The following COL7A1 variants were observed in gnomAD, a reference collection of about 807,000 sequenced individuals.
COL7A1 encodes collagen alpha-1(VII) chain.
A neutral mutation model predicts 456.2 loss-of-function variants in COL7A1; 296 were observed. The ratio of observed to expected loss-of-function variants is 0.65; its 90% CI spans 0.59 to 0.71. The LOEUF (loss-of-function observed/expected upper bound fraction) is 0.71. Ranked by LOEUF, COL7A1 falls within the 30% of genes least tolerant of loss-of-function variation. The probability of loss-of-function intolerance (pLI) is 0.00; values close to 1 mark genes in which losing one functional copy is unlikely to be tolerated. For synonymous variants in COL7A1, 1,464 were observed against 1,525.9 expected (o/e 0.96, Z 0.95); for missense variants, 3,441 against 4,017.2 (o/e 0.86, Z 3.88).
rs2045099383 is a variant in COL7A1 at position 48,584,727 on chromosome 3, C to T, written c.4047+7G>A. ...ATCCCGGCCGCCTCCCTTCCCCCTTCACCTACCGGCTCCCCCTTTGGGCCT... is the reference window on the plus strand; with the variant it reads ...ATCCCGGCCGCCTCCCTTCCCCCTTTACCTACCGGCTCCCCCTTTGGGCCT... On this transcript the variant is annotated splice_region_variant and intron_variant, in intron 35 of 118. Transcript: ENST00000681320. The T allele has an allele frequency of 6.2e-7, 1 of 1,614,022 alleles. No individual in the cohort carries two copies.
In COL7A1 at chr3:48,570,424, C is replaced by T. The variant is rs2107646232; in HGVS notation, c.7380+41G>A. The stretch of plus-strand genomic sequence containing the variant: ...GGTCAGTGGAGGCTGAAGGGGGTGA[C>T]CAGGGCACAAGAGAGAGTCAGCAGC... On this transcript the variant is annotated intron_variant, in intron 97 of 118. Transcript: ENST00000681320. This position sits in a 1 kb window ranked among gnomAD's most constrained non-coding sequence, Gnocchi z 5.5. 1 of 1,613,918 alleles carries T rather than the reference C, an allele frequency of 6.2e-7. No homozygotes were observed.
rs2107796556 is a variant in COL7A1, at chr3:48,592,863, G to A, written c.758C>T (p.Thr253Ile). The A allele has an allele frequency of 1.2e-6, 2 of 1,614,064 alleles. No individual in the cohort carries two copies. Among genetic ancestry groups the A allele is most frequent in the East Asian group, 4.5e-5 (2 of 44,892 alleles). ...GCCAGTCACAGGGCCACTGGCCGCT[G>A]TCCACTGTACTCTCAAGGATTGGCT... Reference protein sequence around the residue: ...PSSQSLRVQWTAASGPVTGYK... With the variant: ...PSSQSLRVQWIAASGPVTGYK... The change falls in exon 7 of 119, where the codon ACA becomes ATA. Residue 253 changes from threonine (T) to isoleucine (I), a missense_variant. By Grantham distance (89) the Thr-to-Ile change is moderately conservative (BLOSUM62 -1). Transcript: ENST00000681320. The surrounding 1 kb of genome is among the most constrained non-coding windows in gnomAD (Gnocchi z 7.6).
Position 48,590,929 on chromosome 3 carries a change from G to T in COL7A1, c.1637-113C>A. 8.8e-7 allele frequency: 1 copy of T among 1,132,082 alleles called. No individual in the cohort carries two copies. Among genetic ancestry groups the T allele is most frequent in the Non-Finnish European group, 1.3e-6 (1 of 774,340 alleles). 70.1% of individuals were successfully genotyped at this position (1,132,082 alleles called of 1,614,324 possible). A position where few individuals can be genotyped will look rare whatever the true frequency, so the allele number is the denominator to read the frequency against. On this transcript the variant is annotated intron_variant, in intron 13 of 118. Coordinates refer to ENST00000681320, the MANE Select transcript of COL7A1 (RefSeq NM_000094.4). The surrounding 1 kb of genome is among the most constrained non-coding windows in gnomAD (Gnocchi z 4.6). Reference sequence around the variant, plus strand: ...AGAAGGGCCATGGGGGTGGGGATGTGGGGTGGTGGGGACCAGAGAGCTGGG... The same window carrying T: ...AGAAGGGCCATGGGGGTGGGGATGTTGGGTGGTGGGGACCAGAGAGCTGGG...
chr3:48,571,960 T>A lies in COL7A1; in HGVS notation c.7068+41A>T. On this transcript the variant is annotated intron_variant, in intron 92 of 118. Coordinates refer to ENST00000681320, the MANE Select transcript of COL7A1 (RefSeq NM_000094.4). The surrounding 1 kb of genome is among the most constrained non-coding windows in gnomAD (Gnocchi z 4.6). ...TGGCCCCTTATGCCCGCCATCACAC[T>A]CCTCAGGCCAGGCTCGCCCTTGCCT... The A allele has an allele frequency of 1.9e-6, 3 of 1,607,224 alleles. No homozygotes were observed. The highest frequency in any genetic ancestry group is 1.7e-6 in the Non-Finnish European group (2 of 1,177,320).
At position 48,588,945 on chromosome 3, in the gene COL7A1, T is replaced by C. The variant is rs1191604084; in HGVS notation, c.2365A>G (p.Ser789Gly). 6.2e-7 allele frequency: 1 copy of C among 1,613,554 alleles called. No homozygotes were observed. Among genetic ancestry groups the C allele is most frequent in the South Asian group, 1.1e-5 (1 of 91,084 alleles). Reference protein sequence around the residue: ...VSRLQILNASSDVLRITWVGV... With the variant: ...VSRLQILNASGDVLRITWVGV... ...ACCCAGGTGATCCGTAGAACGTCGC[T>C]GGAAGCATTGAGGATCTGCAGCCTC... Residue 789 changes from serine (S) to glycine (G), a missense_variant, in exon 19 of 119, where the codon AGC (serine) becomes GGC (glycine). By Grantham distance (56) the Ser-to-Gly change is moderately conservative (BLOSUM62 0). Around this residue, in one of 3 missense-constraint regions of COL7A1, gnomAD observed 913 missense variants for 1,088.2 expected, o/e 0.84. Coordinates refer to ENST00000681320, the MANE Select transcript of COL7A1 (RefSeq NM_000094.4). The surrounding 1 kb of genome is among the most constrained non-coding windows in gnomAD (Gnocchi z 4.6).
In COL7A1 at chr3:48,576,303, A is replaced by T; in HGVS notation, c.5773-7T>A. On this transcript the variant is annotated splice_region_variant and splice_polypyrimidine_tract_variant and intron_variant, in intron 70 of 118. Transcript: ENST00000681320. ...CACGCTCTCCAGGGAGGCCCTGGAG[A>T]GATGAAGACAAACTGCTAGGAACCA... 6.2e-7 allele frequency: 1 copy of T among 1,613,704 alleles called. No individual in the cohort carries two copies. The highest frequency in any genetic ancestry group is 1.7e-5 in the Admixed American group (1 of 60,026).
At position 48,564,289 on chromosome 3, in the gene COL7A1, G is replaced by A. The variant is rs1007874067; in HGVS notation, c.*117C>T. The A allele has an allele frequency of 4.9e-5, 62 of 1,267,486 alleles. 2 individuals are homozygous for A. The African/African-American group carries it at 7.5e-4, about 15-fold the overall frequency. The allele number at this position is 1,267,486 out of a possible 1,614,324, so 78.5% of individuals were successfully genotyped here. A position where few individuals can be genotyped will look rare whatever the true frequency, so the allele number is the denominator to read the frequency against. Reference sequence around the variant, plus strand: ...GGACCAAGTCACTGAAATAACGGACGTGCACACGCACGCTCACGTGCACAC... The same window carrying A: ...GGACCAAGTCACTGAAATAACGGACATGCACACGCACGCTCACGTGCACAC... On this transcript the variant is annotated 3_prime_UTR_variant, in exon 119 of 119. Coordinates refer to ENST00000681320, the MANE Select transcript of COL7A1 (RefSeq NM_000094.4). The surrounding 1 kb of genome is among the most constrained non-coding windows in gnomAD (Gnocchi z 6.0).
intron 69 of COL7A1, 26 bp downstream of exon 69, chr3:48,576,496 G>T: frequency 6.2e-7 from 1 of 1,612,124 alleles, no homozygotes; most frequent in Non-Finnish European, 8.5e-7. Flanking sequence ...CCCTCACCAC[G>T]CCCCCTACCC....
chr3:48,586,810 G>C lies in COL7A1; in HGVS notation c.3277-121C>G. 1 of 1,505,660 alleles carries C rather than the reference G, an allele frequency of 6.6e-7. No individual in the cohort carries two copies. The allele number at this position is 1,505,660 out of a possible 1,614,324, so 93.3% of individuals were successfully genotyped here. A position where few individuals can be genotyped will look rare whatever the true frequency, so the allele number is the denominator to read the frequency against. ...AACCCTATCTATTAGGGAGTCAGCA[G>C]TGATGGCAGGATAGGGAGCCAGGCA... On this transcript the variant is annotated intron_variant, in intron 25 of 118. Transcript: ENST00000681320. The surrounding 1 kb of genome is among the most constrained non-coding windows in gnomAD (Gnocchi z 5.1).
chr3:48,595,272 G>A lies in COL7A1; in HGVS notation c.-6C>T. On this transcript the variant is annotated 5_prime_UTR_variant, in exon 1 of 119. Transcript: ENST00000681320. Reference sequence around the variant, plus strand: ...CAGCCCGAGTCCTGGTCTTGCCTGCGCGTCCGCCCGCTCCCGCCGCCGCCG... The same window carrying A: ...CAGCCCGAGTCCTGGTCTTGCCTGCACGTCCGCCCGCTCCCGCCGCCGCCG... The A allele has an allele frequency of 1.2e-6, 1 of 839,324 alleles. No homozygotes were observed. The highest frequency in any genetic ancestry group is 1.4e-5 in the South Asian group (1 of 69,400). The allele number at this position is 839,324 out of a possible 1,614,324, so 52.0% of individuals were successfully genotyped here.
In COL7A1 at chr3:48,578,919, G is replaced by A. The variant is rs755720544; in HGVS notation, c.5424C>T (p.Asp1808=). The A allele has an allele frequency of 1.9e-4, 312 of 1,613,622 alleles. 1 individual carries two copies. The Admixed American group carries it at 3.7e-3, about 19-fold the overall frequency. ...AAGKAGDPGR[D]GLPGLRGEQG... Reference sequence around the variant, plus strand: ...TGTCCCAGCATCTCCCCTCACTTACGTCTCTCCCTGGGTCCCCAGCTTTGC... The same window carrying A: ...TGTCCCAGCATCTCCCCTCACTTACATCTCTCCCTGGGTCCCCAGCTTTGC... The change falls in exon 63 of 119, where the codon GAC becomes GAT. Residue 1808 remains aspartate (D), a splice_region_variant and synonymous_variant. Coordinates refer to ENST00000681320, the MANE Select transcript of COL7A1 (RefSeq NM_000094.4). This position sits in a 1 kb window ranked among gnomAD's most constrained non-coding sequence, Gnocchi z 4.7.
chr3:48,570,915 C>T lies in COL7A1; in HGVS notation c.7218G>A (p.Pro2406=), dbSNP rs757807903. Residue 2406 remains proline, a synonymous_variant, in exon 95 of 119, where the codon CCG becomes CCA. Transcript: ENST00000681320. This position sits in a 1 kb window ranked among gnomAD's most constrained non-coding sequence, Gnocchi z 5.5. The part of the protein sequence containing the change: ...LPGAPGVVGF[P]GQTGPRGEMG... ...TCTCTCCTCGAGGGCCTGTCTGACC[C>T]GGGAACCCAACAACACCAGGAGCAC... 35 of 1,613,690 alleles carry T rather than the reference C, an allele frequency of 2.2e-5. No individual in the cohort carries two copies. The highest frequency in any genetic ancestry group is 2.7e-5 in the African/African-American group (2 of 75,054).
In COL7A1 at chr3:48,566,241, G is replaced by C. The variant is rs2043599070; in HGVS notation, c.8407+26C>G. The C allele has an allele frequency of 6.3e-7, 1 of 1,589,452 alleles. No individual in the cohort carries two copies. Among genetic ancestry groups the C allele is most frequent in the South Asian group, 1.1e-5 (1 of 87,112 alleles). On this transcript the variant is annotated intron_variant, in intron 114 of 118. Coordinates refer to ENST00000681320, the MANE Select transcript of COL7A1 (RefSeq NM_000094.4). The surrounding 1 kb of genome is among the most constrained non-coding windows in gnomAD (Gnocchi z 5.9). ...TGCCTAGGGTGCTGGGGTGGAGTGG[G>C]AGACTGCGGGCTGGGCACCACTCAC...
rs770386098 is a variant in COL7A1 at position 48,567,843 on chromosome 3, C to T, written c.7924G>A (p.Asp2642Asn). Reference protein sequence around the residue: ...GACGLDGEKGDKGEAGPPGRP... With the variant: ...GACGLDGEKGNKGEAGPPGRP... ...AGCCCCCATCCCCTCTGTACCTTGT[C>T]TCCCTTCTCTCCATCAAGGCCACAG... The change falls in exon 107 of 119, where the codon GAC (aspartate) becomes AAC (asparagine). Residue 2642 changes from aspartate (D) to asparagine (N), a missense_variant. This residue lies in a region of COL7A1 where 2,084 missense variants were observed against 2,501.3 expected (regional missense o/e 0.83). Transcript: ENST00000681320. This position sits in a 1 kb window ranked among gnomAD's most constrained non-coding sequence, Gnocchi z 4.3. 8.1e-6 allele frequency: 13 copies of T among 1,613,978 alleles called. No individual in the cohort carries two copies. The highest frequency in any genetic ancestry group is 1.0e-5 in the Non-Finnish European group (12 of 1,180,030).
In COL7A1 at chr3:48,583,066, G is replaced by T; in HGVS notation, c.4483-18C>A. On this transcript the variant is annotated intron_variant, in intron 43 of 118. Coordinates refer to ENST00000681320, the MANE Select transcript of COL7A1 (RefSeq NM_000094.4). This position sits in a 1 kb window ranked among gnomAD's most constrained non-coding sequence, Gnocchi z 5.1. ...CGTTCGCCCTGATGGAAAAGAAGAG[G>T]TCAGAGCTGAGTTGGGCCCAGATCC... The T allele has an allele frequency of 6.2e-7, 1 of 1,613,996 alleles. No individual in the cohort carries two copies. The highest frequency in any genetic ancestry group is 8.5e-7 in the Non-Finnish European group (1 of 1,179,982).
rs755278424 is a variant in COL7A1, at chr3:48,569,957, A to G, written c.7486-42T>C. On this transcript the variant is annotated intron_variant, in intron 99 of 118. Transcript: ENST00000681320. This position sits in a 1 kb window ranked among gnomAD's most constrained non-coding sequence, Gnocchi z 4.9. ...GACCGTGAGCTACAGGAACCAGGGCAGTGGAGGACGGAGGAGGATCAGGGG... is the reference window on the plus strand; with the variant it reads ...GACCGTGAGCTACAGGAACCAGGGCGGTGGAGGACGGAGGAGGATCAGGGG... The G allele has an allele frequency of 1.2e-6, 2 of 1,613,240 alleles. No individual in the cohort carries two copies. Among genetic ancestry groups the G allele is most frequent in the East Asian group, 2.2e-5 (1 of 44,838 alleles).
At position 48,594,587 on chromosome 3, in the gene COL7A1, G is replaced by C; in HGVS notation, c.86-39C>G. 1 of 1,544,286 alleles carries C rather than the reference G, an allele frequency of 6.5e-7. No individual in the cohort carries two copies. On this transcript the variant is annotated intron_variant, in intron 2 of 118. Coordinates refer to ENST00000681320, the MANE Select transcript of COL7A1 (RefSeq NM_000094.4). The surrounding 1 kb of genome is among the most constrained non-coding windows in gnomAD (Gnocchi z 5.5). ...GAGAGATCAGGGCCTCTTCTGGGAG[G>C]CCAACCACCCGCCTACCCGCACGGT...
chr3:48,587,382 C>T lies in COL7A1; in HGVS notation c.2992+38G>A, dbSNP rs2045348343. On this transcript the variant is annotated intron_variant, in intron 23 of 118. Coordinates refer to ENST00000681320, the MANE Select transcript of COL7A1 (RefSeq NM_000094.4). The surrounding 1 kb of genome is among the most constrained non-coding windows in gnomAD (Gnocchi z 6.1). ...TTAAAAAGCTGTCTCCACAGAGCCC[C>T]AACTGCCAGCCCACCCAAATCCTGG... The T allele has an allele frequency of 1.2e-6, 2 of 1,613,030 alleles. No individual in the cohort carries two copies. Among genetic ancestry groups the T allele is most frequent in the East Asian group, 2.2e-5 (1 of 44,884 alleles).
chr3:48,589,848 G>A (rs755997399), intron 16 of COL7A1, 130 bp from the exon 17 acceptor site: 1 of 1,278,694 alleles, frequency 7.8e-7, no homozygotes, highest in Non-Finnish European at 1.1e-6. Flanking sequence ...TAGGTCCAGT[G>A]GAGGAGTGGG....
Sources: gnomAD v4.1 joint callset for allele counts on GRCh38, gnomAD v4.1.1 for gene constraint, gnomAD v4.1.1 regional missense constraint, Gnocchi (gnomAD v3.1) non-coding constraint, MANE v1.5 for transcripts, NCBI Gene and HGNC (gene_info 2026-07-23, HGNC 2026-07-21) for gene names.